POLI: variants seen among roughly 807,000 people sequenced by gnomAD.
POLI encodes the protein DNA polymerase iota, also known as RAD30 homolog B.
In POLI, 58 loss-of-function variants were observed where a neutral mutation model predicts 51.6. The observed-to-expected ratio is 1.12, with a 90% CI of 0.91 to 1.40. The LOEUF is 1.40. Among genes scored for constraint, POLI ranks in the 40% most tolerant of loss-of-function variants. The pLI, the probability that POLI is intolerant of heterozygous loss-of-function variation, is 0.00. For missense variants in POLI, 921 were observed against 871.3 expected (o/e 1.06, Z -0.72); for synonymous variants, 322 against 299.7 (o/e 1.07, Z -0.77).
rs775072868 is a variant in POLI, at chr18:54,291,908, C to A, written c.1274C>A (p.Pro425Gln). 1 of 1,607,266 alleles carries A rather than the reference C, an allele frequency of 6.2e-7. No individual in the cohort carries two copies. Among genetic ancestry groups the A allele is most frequent in the Non-Finnish European group, 8.5e-7 (1 of 1,174,396 alleles). The change falls in exon 9 of 10, where the codon CCA (proline) becomes CAA (glutamine). Residue 425 changes from proline to glutamine, a missense_variant. Transcript: ENST00000579534. The stretch of plus-strand genomic sequence containing the variant: ...CGAAATATGGTGAATGTGAAGATGC[C>A]ATTTCACCTTACCCTTCTAAGTGTG... ...LFRNMVNVKM[P>Q]FHLTLLSVCF...
downstream of POLI, among the ~76,000 whole-genome samples, chr18:54,301,469 T>G (rs2088490098): frequency 6.6e-6 from 1 of 152,186 alleles, no homozygotes; most frequent in East Asian, 1.9e-4. Context: ...TAGTTCAACT[T>G]AAAAATTTTC....
intron 3 of POLI, among the ~76,000 whole-genome samples, chr18:54,308,929 C>T (rs2088630660): frequency 6.6e-6 from 1 of 152,188 alleles, no homozygotes; most frequent in Admixed American, 6.5e-5. Context: ...TTTTCAGCTC[C>T]TTCAGGTAAT....
In POLI at chr18:54,294,760, A is replaced by G. The variant is rs915447138; in HGVS notation, c.*293A>G. On this transcript the variant is annotated 3_prime_UTR_variant, in exon 10 of 10. Coordinates refer to ENST00000579534, the MANE Select transcript of POLI (RefSeq NM_007195.3). Reference sequence around the variant, plus strand: ...TTTTCATGAATTGGTGGGGAGATGTATATGTTTATATATAAAAAATAGCCA... The same window carrying G: ...TTTTCATGAATTGGTGGGGAGATGTGTATGTTTATATATAAAAAATAGCCA... The G allele has an allele frequency of 5.3e-5, 53 of 991,194 alleles. No individual in the cohort carries two copies. Among genetic ancestry groups the G allele is most frequent in the South Asian group, 1.9e-4 (4 of 21,390 alleles). The allele number at this position is 991,194 out of a possible 1,614,324, so 61.4% of individuals were successfully genotyped here.
At chr18:54,321,020 A>T (rs2088781855) in intron 4 of POLI, 1 of 152,162 alleles carries the variant, frequency 6.6e-6, no homozygotes, top group African/African-American at 2.4e-5. Context: ...ACATGCACTC[A>T]TTTATGCATG....
At chr18:54,287,508 C>A (rs3730774) in intron 8 of POLI, 97 bp downstream of exon 8, 3 of 818,478 alleles carry the variant, frequency 3.7e-6, no homozygotes, top group East Asian at 5.4e-5. Context: ...AGGGTCTTCA[C>A]AGGGAATTAG....
At position 54,295,105 on chromosome 18, in the gene POLI, G is replaced by C; in HGVS notation, c.*638G>C. On this transcript the variant is annotated 3_prime_UTR_variant, in exon 10 of 10. Coordinates refer to ENST00000579534, the MANE Select transcript of POLI (RefSeq NM_007195.3). ...CCAGGGTGGGGAGTTAAAGTGAGAG[G>C]AGGGTATATGTTATAGAGAACAGTG... 1 of 985,494 alleles carries C rather than the reference G, an allele frequency of 1.0e-6. No homozygotes were observed. The highest frequency in any genetic ancestry group is 1.2e-6 in the Non-Finnish European group (1 of 829,982). The allele number at this position is 985,494 out of a possible 1,614,324, so 61.0% of individuals were successfully genotyped here. A position where few individuals can be genotyped will look rare whatever the true frequency, so the allele number is the denominator to read the frequency against.
chr18:54,283,915 T>C lies in POLI; in HGVS notation c.976-7T>C, dbSNP rs1289078124. On this transcript the variant is annotated splice_region_variant and splice_polypyrimidine_tract_variant and intron_variant, in intron 6 of 9. Coordinates refer to ENST00000579534, the MANE Select transcript of POLI (RefSeq NM_007195.3). ...TGTGCTAATCCTTATTTATGCTTCTTTGATAGTCCTTTAGTGAAGAAGATT... is the reference window on the plus strand; with the variant it reads ...TGTGCTAATCCTTATTTATGCTTCTCTGATAGTCCTTTAGTGAAGAAGATT... 2.7e-6 allele frequency: 3 copies of C among 1,105,408 alleles called. No homozygotes were observed. The highest frequency in any genetic ancestry group is 2.4e-5 in the East Asian group (1 of 41,816). 68.5% of individuals were successfully genotyped at this position (1,105,408 alleles called of 1,614,324 possible).
Position 54,287,501 on chromosome 18 carries a change from G to T in POLI, c.1198+90G>T, listed in dbSNP as rs150668730. ...GAGAAATATGCTCCAAAAATGGAGGGTCTTCACAGGGAATTAGCAAGCAAT... is the reference window on the plus strand; with the variant it reads ...GAGAAATATGCTCCAAAAATGGAGGTTCTTCACAGGGAATTAGCAAGCAAT... On this transcript the variant is annotated intron_variant, in intron 8 of 9. Transcript: ENST00000579534. The T allele has an allele frequency of 8.9e-5, 78 of 875,934 alleles. No homozygotes were observed. In the African/African-American group the frequency reaches 1.1e-3, roughly 13 times the overall value. The allele number at this position is 875,934 out of a possible 1,614,324, so 54.3% of individuals were successfully genotyped here. A position where few individuals can be genotyped will look rare whatever the true frequency, so the allele number is the denominator to read the frequency against.
rs772549947 is a variant in POLI at position 54,294,062 on chromosome 18, C to A, written c.1818C>A (p.Gly606=). The change falls in exon 10 of 10, where the codon GGC becomes GGA. Residue 606 remains glycine, a synonymous_variant. Coordinates refer to ENST00000579534, the MANE Select transcript of POLI (RefSeq NM_007195.3). ...SVSPCEPGTS[G]FNSSSSSYMS... is the part of the protein sequence containing the mutation. ...CTCCTTGTGAACCGGGAACATCAGG[C>A]TTTAATAGCAGTAGTTCTTCTTACA... is the stretch of plus-strand genomic sequence containing the variant. The A allele has an allele frequency of 1.2e-6, 2 of 1,612,112 alleles. No homozygotes were observed.
chr18:54,303,449 T>C (rs1363879346), intron 3 of POLI, among the ~76,000 whole-genome samples: 2 of 152,260 alleles, frequency 1.3e-5, no homozygotes, highest in East Asian at 3.8e-4. Context: ...AATACAAATA[T>C]TTGAATTATT....
chr18:54,280,684 G>A lies in POLI; in HGVS notation c.577G>A (p.Val193Ile), dbSNP rs140364196. The A allele has an allele frequency of 3.7e-6, 6 of 1,611,714 alleles. No homozygotes were observed. The highest frequency in any genetic ancestry group is 3.3e-5 in the Admixed American group (2 of 59,996). ...YNNQSINLLD[V>I]LHIRLLVGSQ... The stretch of plus-strand genomic sequence containing the variant: ...TTTTAAAGCTATAAACCTGCTTGAC[G>A]TCTTGCACATCAGACTACTTGTTGG... Residue 193 changes from valine to isoleucine, a missense_variant, in exon 5 of 10, where the codon GTC (valine) becomes ATC (isoleucine). By Grantham distance (29) the Val-to-Ile change is conservative (BLOSUM62 3). Transcript: ENST00000579534.
chr18:54,297,956 T>C lies in POLI; in HGVS notation c.*3489T>C, dbSNP rs1369590104. The C allele has an allele frequency of 1.0e-6, 1 of 982,084 alleles. No individual in the cohort carries two copies. The highest frequency in any genetic ancestry group is 1.2e-6 in the Non-Finnish European group (1 of 826,966). The allele number at this position is 982,084 out of a possible 1,614,324, so 60.8% of individuals were successfully genotyped here. On this transcript the variant is annotated 3_prime_UTR_variant, in exon 10 of 10. Coordinates refer to ENST00000579534, the MANE Select transcript of POLI (RefSeq NM_007195.3). ...AATTATGTCCTTAGAGCTGTAGATTTAGAACTGACATCTCTTGAGCTGTTC... is the reference window on the plus strand; with the variant it reads ...AATTATGTCCTTAGAGCTGTAGATTCAGAACTGACATCTCTTGAGCTGTTC...
In POLI at chr18:54,294,970, A is replaced by G. The variant is rs369536033; in HGVS notation, c.*503A>G. The G allele has an allele frequency of 4.1e-6, 4 of 984,762 alleles. No individual in the cohort carries two copies. The highest frequency in any genetic ancestry group is 2.4e-6 in the Non-Finnish European group (2 of 829,294). 61.0% of individuals were successfully genotyped at this position (984,762 alleles called of 1,614,324 possible). A position where few individuals can be genotyped will look rare whatever the true frequency, so the allele number is the denominator to read the frequency against. ...TAGTATGTTGACTTTTAAAATACCA[A>G]AGCAATTTATATTCAATTAATGCTT... On this transcript the variant is annotated 3_prime_UTR_variant, in exon 10 of 10. Coordinates refer to ENST00000579534, the MANE Select transcript of POLI (RefSeq NM_007195.3).
downstream of POLI, among the ~76,000 whole-genome samples, chr18:54,302,994 ACAT>A (rs2088517844): frequency 6.6e-6 from 1 of 152,202 alleles, no homozygotes; most frequent in Admixed American, 6.5e-5. Flanking sequence ...CATTAGCATC[ACAT>A]CATTGATGTG....
chr18:54,301,748 G>T, downstream of POLI, among the ~76,000 whole-genome samples: 1 of 152,096 alleles, frequency 6.6e-6, no homozygotes, highest in East Asian at 1.9e-4. Context: ...TCTCCTCCAG[G>T]GCTGCACCCT....
intron 3 of POLI, among the ~76,000 whole-genome samples, chr18:54,307,192 T>A (rs987897645): frequency 2.0e-5 from 3 of 152,230 alleles, no homozygotes; most frequent in Admixed American, 2.0e-4. Context: ...AGGGTGTCAA[T>A]TTTAGATCTT....
At chr18:54,276,384 C>T (rs1171618784) in intron 3 of POLI, among the ~76,000 whole-genome samples, 1 of 152,080 alleles carries the variant, frequency 6.6e-6, no homozygotes, top group Non-Finnish European at 1.5e-5. Context: ...CAACAAAAAC[C>T]TTCAGGGACG....
intron 2 of POLI, 77 bp downstream of exon 2, chr18:54,271,562 T>G: frequency 1.0e-6 from 1 of 990,466 alleles, no homozygotes; most frequent in Non-Finnish European, 1.4e-6. Flanking sequence ...TATACTGATT[T>G]ATTAACCTTA....
intron 3 of POLI, chr18:54,275,132 A>T (rs973199983): frequency 2.0e-5 from 3 of 152,268 alleles, no homozygotes; most frequent in African/African-American, 7.2e-5. Flanking sequence ...TCTTCAATCC[A>T]GTGATATCAT....
Sources: allele counts gnomAD v4.1 joint callset (sites outside exome capture counted in the v4.1 genomes callset), GRCh38; gene constraint gnomAD v4.1.1; transcripts MANE v1.5; gene names NCBI Gene and HGNC (gene_info 2026-07-23, HGNC 2026-07-21).